The following LIN7A variants were observed in gnomAD, a reference collection of about 807,000 sequenced individuals.
LIN7A encodes protein lin-7 homolog A.
A neutral mutation model predicts 29.8 loss-of-function variants in LIN7A; 25 were observed. The observed-to-expected ratio is 0.84, with a 90% CI of 0.61 to 1.17. The LOEUF (loss-of-function observed/expected upper bound fraction) is 1.17. LIN7A is among the 50% of genes most tolerant of loss of function. LIN7A has a pLI of 0.00. For missense variants in LIN7A, 239 were observed against 287.0 expected, an observed-to-expected ratio of 0.83 and a Z score of 1.21; for synonymous variants, 118 against 107.5, an observed-to-expected ratio of 1.10 and a Z score of -0.60.
intron 1 of LIN7A, among the ~76,000 whole-genome samples, chr12:80,924,998 T>C (rs1327048327): frequency 6.6e-6 from 1 of 152,116 alleles, no homozygotes; most frequent in Non-Finnish European, 1.5e-5. Context: ...TGTAGGAAAT[T>C]TTTTCTTGAA....
intron 1 of LIN7A, among the ~76,000 whole-genome samples, chr12:80,926,978 A>G (rs1012934583): frequency 6.7e-6 from 1 of 150,176 alleles, no homozygotes; most frequent in Non-Finnish European, 1.5e-5. Flanking sequence ...TTTCATGCCT[A>G]GTGTTTGTCA....
intron 2 of LIN7A, among the ~76,000 whole-genome samples, chr12:80,887,498 T>G (rs985158537): frequency 1.3e-5 from 2 of 152,150 alleles, no homozygotes; most frequent in African/African-American, 4.8e-5. Context: ...GAGCCTACCT[T>G]GCTTATTCTA....
intron 1 of LIN7A, among the ~76,000 whole-genome samples, chr12:80,920,983 T>TA (rs1305024464): frequency 1.3e-5 from 2 of 152,246 alleles, no homozygotes; most frequent in African/African-American, 4.8e-5. Context: ...CAAGATCATG[T>TA]AATGATTGCT....
chr12:80,832,486 A>C (rs1285745591), intron 4 of LIN7A: 1 of 467,490 alleles, frequency 2.1e-6, no homozygotes, highest in Non-Finnish European at 4.4e-6. Context: ...CTCCACACAG[A>C]ACATTCAATT....
At chr12:80,825,799 G>A (rs1324207349) in intron 4 of LIN7A, among the ~76,000 whole-genome samples, 2 of 151,906 alleles carry the variant, frequency 1.3e-5, no homozygotes, top group African/African-American at 4.8e-5. Context: ...AGTTTTTCAA[G>A]TGGTGTCATA....
At chr12:80,911,697 G>A (rs1284185001) in intron 1 of LIN7A, among the ~76,000 whole-genome samples, 1 of 152,212 alleles carries the variant, frequency 6.6e-6, no homozygotes, top group East Asian at 1.9e-4. Context: ...GTTCAACAAG[G>A]TTTTGAATTT....
chr12:80,902,983 T>A (rs558214388), intron 1 of LIN7A, among the ~76,000 whole-genome samples: 1 of 151,744 alleles, frequency 6.6e-6, no homozygotes, highest in Admixed American at 6.6e-5. Context: ...AGCATGATGT[T>A]GTTTGTGGGT....
intron 2 of LIN7A, among the ~76,000 whole-genome samples, chr12:80,864,239 G>A (rs947011848): frequency 1.1e-4 from 17 of 151,896 alleles, no homozygotes; most frequent in African/African-American, 3.6e-4. Flanking sequence ...GACTCAATAC[G>A]CAAGGCTTGA....
chr12:80,906,689 G>A (rs550110509), intron 1 of LIN7A, among the ~76,000 whole-genome samples: 26 of 152,182 alleles, frequency 1.7e-4, no homozygotes, highest in Non-Finnish European at 3.1e-4. Context: ...GTGGGAGGAG[G>A]TGAGGATTGA....
At chr12:80,896,075 T>A (rs1384508618) in intron 1 of LIN7A, among the ~76,000 whole-genome samples, 1 of 152,214 alleles carries the variant, frequency 6.6e-6, no homozygotes, top group Admixed American at 6.5e-5. Flanking sequence ...GACACTGGAA[T>A]AACCTATAGT....
chr12:80,836,966 C>A (rs1215270183), intron 4 of LIN7A, among the ~76,000 whole-genome samples: 5 of 150,176 alleles, frequency 3.3e-5, no homozygotes, highest in Non-Finnish European at 7.4e-5. Flanking sequence ...AAAGACCAGG[C>A]AAGATGGGGG....
At chr12:80,812,778 T>A (rs995271855) in intron 4 of LIN7A, among the ~76,000 whole-genome samples, 5 of 152,118 alleles carry the variant, frequency 3.3e-5, no homozygotes, top group African/African-American at 1.2e-4. Context: ...CTTGAACTCC[T>A]GACCTCAAGC....
chr12:80,886,009 G>A (rs545144988), intron 2 of LIN7A, among the ~76,000 whole-genome samples: 2 of 152,152 alleles, frequency 1.3e-5, no homozygotes, highest in South Asian at 2.1e-4. Context: ...TGGCAAAAGT[G>A]TGACCTATGT....
intron 1 of LIN7A, among the ~76,000 whole-genome samples, chr12:80,894,900 T>C (rs1409923990): frequency 6.6e-6 from 1 of 152,106 alleles, no homozygotes; most frequent in Non-Finnish European, 1.5e-5. Context: ...CAACTAAGGC[T>C]CAGAAAGATG....
chr12:80,865,207 T>G (rs1874076714), intron 2 of LIN7A, among the ~76,000 whole-genome samples: 1 of 152,204 alleles, frequency 6.6e-6, no homozygotes, highest in Admixed American at 6.5e-5. Context: ...GATAAGATTG[T>G]GTAGTCATAT....
chr12:80,802,002 T>C (rs1039402558), intron 5 of LIN7A, among the ~76,000 whole-genome samples: 4 of 151,916 alleles, frequency 2.6e-5, no homozygotes, highest in Admixed American at 2.6e-4. Flanking sequence ...GTTCAATCTA[T>C]TCTTTTGCCT....
chr12:80,807,080 T>TTTTTTTGG, intron 5 of LIN7A, among the ~76,000 whole-genome samples: 1 of 134,732 alleles, frequency 7.4e-6, no homozygotes, highest in Non-Finnish European at 1.6e-5. Context: ...TTTTTTTTTT[T>TTTTTTTGG]TTTTTTTTTT....
At chr12:80,901,511 C>T (rs933642852) in intron 1 of LIN7A, among the ~76,000 whole-genome samples, 7 of 149,972 alleles carry the variant, frequency 4.7e-5, no homozygotes, top group Non-Finnish European at 8.9e-5. Flanking sequence ...TGGTAGTGTT[C>T]CATCTGTGCG....
chr12:80,874,793 C>A (rs1411374304), intron 2 of LIN7A, among the ~76,000 whole-genome samples: 1 of 152,146 alleles, frequency 6.6e-6, no homozygotes, highest in Non-Finnish European at 1.5e-5. Flanking sequence ...ATCATCCTGG[C>A]TAACACGGTG....
Sources: gnomAD v4.1 joint callset for allele counts (sites outside exome capture counted in the v4.1 genomes callset) on GRCh38, gnomAD v4.1.1 for gene constraint, MANE v1.5 for transcripts, NCBI Gene and HGNC (gene_info 2026-07-23, HGNC 2026-07-21) for gene names.